Variants in LYRM4 observed in about 807,000 individuals in gnomAD.
LYRM4 encodes the protein LYR motif containing 4, also known as LYR motif-containing protein 4.
In LYRM4, 9 loss-of-function variants were observed where a neutral mutation model predicts 11.7. That is an observed-to-expected ratio of 0.77 (90% CI 0.46 to 1.34). The LOEUF is 1.34. LYRM4 is among the 40% of genes most tolerant of loss of function. The pLI is 0.00. For missense variants in LYRM4, 133 were observed against 112.5 expected (o/e 1.18, Z -0.82); for synonymous variants, 42 against 40.4 (o/e 1.04, Z -0.15).
intron 2 of LYRM4, 24 bp downstream of exon 2, chr6:5,216,594 C>G: frequency 6.2e-7 from 1 of 1,613,144 alleles, no homozygotes; most frequent in South Asian, 1.1e-5. Context: ...TAATGAAAAA[C>G]AGTACATCAT....
At chr6:5,115,560 G>A (rs1763081456) in intron 2 of LYRM4, among the ~76,000 whole-genome samples, 1 of 152,194 alleles carries the variant, frequency 6.6e-6, no homozygotes, top group South Asian at 2.1e-4. Flanking sequence ...TCTAGAGGAT[G>A]AAAATTCTAG....
At chr6:5,244,550 T>G (rs1206439576) in intron 1 of LYRM4, among the ~76,000 whole-genome samples, 1 of 152,086 alleles carries the variant, frequency 6.6e-6, no homozygotes, top group African/African-American at 2.4e-5. Flanking sequence ...GAGACTCCTC[T>G]CTGGGCTAGT....
intron 2 of LYRM4, among the ~76,000 whole-genome samples, chr6:5,137,248 C>T (rs1757150368): frequency 6.6e-6 from 1 of 152,164 alleles, no homozygotes; most frequent in South Asian, 2.1e-4. Flanking sequence ...TATCTGATGG[C>T]CATCTGGGTT....
intron 2 of LYRM4, among the ~76,000 whole-genome samples, chr6:5,114,292 T>C (rs1242787991): frequency 2.0e-5 from 3 of 152,238 alleles, no homozygotes; most frequent in Admixed American, 1.3e-4. Context: ...TTGATGACCA[T>C]GGAGCCACCA....
the LYRM4 span, among the ~76,000 whole-genome samples, chr6:5,069,890 G>A: frequency 1.3e-5 from 2 of 152,150 alleles, no homozygotes; most frequent in South Asian, 2.1e-4. Context: ...TTACTGCTGC[G>A]TCCCTAGCAC....
chr6:5,260,917 C>T lies in LYRM4; in HGVS notation c.-184G>A, dbSNP rs1012047072. The T allele has an allele frequency of 8.8e-6, 12 of 1,366,336 alleles. No homozygotes were observed. The South Asian group carries it at 1.2e-4, about 13-fold the overall frequency. The allele number at this position is 1,366,336 out of a possible 1,614,324, so 84.6% of individuals were successfully genotyped here. A position where few individuals can be genotyped will look rare whatever the true frequency, so the allele number is the denominator to read the frequency against. ...GGATCGCGGACGGCGCCAGGCGTCC[C>T]GCGCCGCTTCGGGGGCGGGCGCAGG... On this transcript the variant is annotated 5_prime_UTR_variant, in exon 1 of 3. Transcript: ENST00000330636.
chr6:5,054,143 C>T, the LYRM4 span: 22 of 985,064 alleles, frequency 2.2e-5, no homozygotes, highest in Admixed American at 6.2e-5. Context: ...TGACCAGAAT[C>T]CCAGTTTGAG....
At chr6:5,200,328 G>A (rs1761315387) in intron 2 of LYRM4, among the ~76,000 whole-genome samples, 1 of 152,142 alleles carries the variant, frequency 6.6e-6, no homozygotes, top group Admixed American at 6.5e-5. Flanking sequence ...CATGTCTCTG[G>A]TATTCTTTTG....
the LYRM4 span, chr6:5,085,741 T>C: frequency 8.4e-6 from 13 of 1,540,982 alleles, no homozygotes; most frequent in East Asian, 4.9e-5. Flanking sequence ...GCGCTCCTTT[T>C]CCTTGCCCGC....
At chr6:5,045,987 C>T in the LYRM4 span, among the ~76,000 whole-genome samples, 3 of 152,288 alleles carry the variant, frequency 2.0e-5, no homozygotes, top group South Asian at 2.1e-4. Flanking sequence ...GAAGCGGGAA[C>T]GTCTACCTGC....
chr6:5,082,953 T>C, the LYRM4 span, among the ~76,000 whole-genome samples: 9 of 152,332 alleles, frequency 5.9e-5, no homozygotes, highest in South Asian at 1.9e-3. Context: ...ACAGGCCTCC[T>C]GACCAGGTCA....
At chr6:5,216,508 G>T in intron 2 of LYRM4, 110 bp downstream of exon 2, 2 of 1,241,508 alleles carry the variant, frequency 1.6e-6, no homozygotes, top group Non-Finnish European at 2.3e-6. Context: ...AGAGTTTCAT[G>T]ATCCTGCTCT....
At chr6:5,124,724 C>T (rs1302029980) in intron 2 of LYRM4, among the ~76,000 whole-genome samples, 8 of 152,186 alleles carry the variant, frequency 5.3e-5, no homozygotes, top group Admixed American at 3.9e-4. Context: ...CCTCCCTGCC[C>T]GGCTCCCTTG....
chr6:5,052,708 C>T, the LYRM4 span, among the ~76,000 whole-genome samples: 1 of 152,174 alleles, frequency 6.6e-6, no homozygotes, highest in Non-Finnish European at 1.5e-5. Flanking sequence ...GAACTGTACA[C>T]TGAAAATGGT....
chr6:5,059,668 A>AC, the LYRM4 span, among the ~76,000 whole-genome samples: 1 of 152,082 alleles, frequency 6.6e-6, no homozygotes, highest in Middle Eastern at 3.4e-3. Context: ...ATCCTTTCCT[A>AC]CCACCTAACA....
intron 2 of LYRM4, among the ~76,000 whole-genome samples, chr6:5,183,692 T>C (rs781077079): frequency 2.0e-5 from 3 of 152,206 alleles, no homozygotes; most frequent in Non-Finnish European, 4.4e-5. Context: ...ACAGAAGTGG[T>C]AATTTCTCAT....
chr6:5,142,662 T>C (rs188242793), intron 2 of LYRM4, among the ~76,000 whole-genome samples: 5 of 152,328 alleles, frequency 3.3e-5, no homozygotes, highest in Admixed American at 3.3e-4. Context: ...TTCTACTGTT[T>C]ACAGGTAAAG....
the LYRM4 span, among the ~76,000 whole-genome samples, chr6:5,051,919 C>A: frequency 6.6e-6 from 1 of 152,118 alleles, no homozygotes; most frequent in African/African-American, 2.4e-5. Context: ...TTTTTAACAA[C>A]CAACTCTCAT....
intron 2 of LYRM4, among the ~76,000 whole-genome samples, chr6:5,147,932 GT>G (rs1351894864): frequency 1.3e-5 from 2 of 152,176 alleles, no homozygotes; most frequent in African/African-American, 4.8e-5. Flanking sequence ...CTTTCCTTTT[GT>G]AAATTAGTGG....
Sources: allele counts gnomAD v4.1 joint callset (sites outside exome capture counted in the v4.1 genomes callset), GRCh38; gene constraint gnomAD v4.1.1; transcripts MANE v1.5; gene names NCBI Gene and HGNC (gene_info 2026-07-23, HGNC 2026-07-21).